KCTD16: variants seen among roughly 807,000 people sequenced by gnomAD.
KCTD16 encodes the protein potassium channel tetramerization domain containing 16.
KCTD16 carries 13 observed loss-of-function variants against 33.2 expected under a neutral mutation model. The ratio of observed to expected loss-of-function variants is 0.39; its 90% CI spans 0.25 to 0.62. The LOEUF is 0.62. KCTD16 is among the 20% of genes least tolerant of loss of function. The probability of loss-of-function intolerance (pLI) is 0.50; values close to 1 mark genes in which losing one functional copy is unlikely to be tolerated. For synonymous variants in KCTD16, 197 were observed against 195.3 expected (o/e 1.01, Z -0.07); for missense variants, 441 against 525.1 (o/e 0.84, Z 1.57).
rs977402908 is a variant in KCTD16, at chr5:144,477,370, C to A, written c.*3256C>A. On this transcript the variant is annotated 3_prime_UTR_variant, in exon 4 of 4. Coordinates refer to ENST00000512467, the MANE Select transcript of KCTD16 (RefSeq NM_020768.4). ...TGGTGAATTAAAATAAAAGGGGGAACAATGCACAAATAATAAGCGTTCCCT... is the reference window on the plus strand; with the variant it reads ...TGGTGAATTAAAATAAAAGGGGGAAAAATGCACAAATAATAAGCGTTCCCT... 3.3e-5 allele frequency: 5 copies of A among 152,092 alleles called. No homozygotes were observed. Among genetic ancestry groups the A allele is most frequent in the Non-Finnish European group, 7.4e-5 (5 of 68,004 alleles). The allele number at this position is 152,092 out of a possible 1,614,324, so 9.4% of individuals were successfully genotyped here. A position where few individuals can be genotyped will look rare whatever the true frequency, so the allele number is the denominator to read the frequency against.
At chr5:144,447,066 CA>C (rs937470318) in intron 3 of KCTD16, among the ~76,000 whole-genome samples, 5 of 152,060 alleles carry the variant, frequency 3.3e-5, no homozygotes, top group Admixed American at 1.3e-4. Context: ...AGTATATACC[CA>C]AAGGATTAGA....
chr5:144,264,855 A>G (rs1580830615), intron 3 of KCTD16, among the ~76,000 whole-genome samples: 1 of 152,350 alleles, frequency 6.6e-6, no homozygotes, highest in Non-Finnish European at 1.5e-5. Context: ...TAATTTAGTC[A>G]AAACTCATAT....
At chr5:144,345,201 GT>G (rs1752761658) in intron 3 of KCTD16, among the ~76,000 whole-genome samples, 1 of 132,566 alleles carries the variant, frequency 7.5e-6, no homozygotes, top group South Asian at 2.7e-4. Flanking sequence ...TCTGGGGACT[GT>G]TGTGGGGTGG....
intron 3 of KCTD16, among the ~76,000 whole-genome samples, chr5:144,405,904 A>G (rs1178961110): frequency 6.6e-6 from 1 of 152,186 alleles, no homozygotes; most frequent in Non-Finnish European, 1.5e-5. Context: ...TGGTGATACT[A>G]AGCCCCATTG....
At chr5:144,236,320 C>G (rs1754252291) in intron 3 of KCTD16, among the ~76,000 whole-genome samples, 1 of 152,080 alleles carries the variant, frequency 6.6e-6, no homozygotes. Context: ...TAAGGATGAG[C>G]AGCAGTTGGC....
rs148296287 is a variant in KCTD16 at position 144,367,135 on chromosome 5, C to A, written c.833-106525C>A. 5.0e-3 allele frequency among the ~76,000 whole-genome samples: 759 copies of A among 152,306 alleles called. 26 individuals are homozygous for A. The highest frequency in any genetic ancestry group is 0.038 in the Admixed American group (576 of 15,292). ...CAGCAATCCTGTCTATCCTGTGTGGCCTTGCCTCACTGGTCATAGCTGATG... is the reference window on the plus strand; with the variant it reads ...CAGCAATCCTGTCTATCCTGTGTGGACTTGCCTCACTGGTCATAGCTGATG... On this transcript the variant is annotated intron_variant, in intron 3 of 3. Transcript: ENST00000512467.
intron 3 of KCTD16, among the ~76,000 whole-genome samples, chr5:144,324,946 G>A (rs1046560519): frequency 1.3e-5 from 2 of 152,172 alleles, no homozygotes; most frequent in African/African-American, 4.8e-5. Flanking sequence ...GGGAGGGAGA[G>A]CATCAGAAAA....
At chr5:144,417,462 G>T (rs1321630859) in intron 3 of KCTD16, among the ~76,000 whole-genome samples, 1 of 151,952 alleles carries the variant, frequency 6.6e-6, no homozygotes, top group Non-Finnish European at 1.5e-5. Flanking sequence ...TTTTTAAACT[G>T]AGTTTGCCTT....
intron 3 of KCTD16, among the ~76,000 whole-genome samples, chr5:144,215,227 C>T (rs1321129871): frequency 2.0e-5 from 3 of 152,162 alleles, no homozygotes; most frequent in Non-Finnish European, 4.4e-5. Context: ...AGCAAAGACT[C>T]CTGTGGTCTC....
intron 3 of KCTD16, among the ~76,000 whole-genome samples, chr5:144,276,060 G>GT: frequency 6.6e-6 from 1 of 152,134 alleles, no homozygotes; most frequent in East Asian, 1.9e-4. Context: ...TGTTTAAAAA[G>GT]TAATTTTTAG....
intron 3 of KCTD16, among the ~76,000 whole-genome samples, chr5:144,369,748 T>A (rs1751924287): frequency 6.6e-6 from 1 of 152,186 alleles, no homozygotes; most frequent in South Asian, 2.1e-4. Context: ...AATTTGTGAT[T>A]CATGCTTTAA....
At chr5:144,280,560 C>CAAA (rs1312834923) in intron 3 of KCTD16, among the ~76,000 whole-genome samples, 1 of 152,090 alleles carries the variant, frequency 6.6e-6, no homozygotes, top group Non-Finnish European at 1.5e-5. Flanking sequence ...CTTTCTTTTT[C>CAAA]AGTCTGGCTA....
chr5:144,326,299 GTAA>G (rs1235241731), intron 3 of KCTD16, among the ~76,000 whole-genome samples: 5 of 152,112 alleles, frequency 3.3e-5, no homozygotes, highest in African/African-American at 9.7e-5. Context: ...GACTGAGAGG[GTAA>G]TAGTAAATAC....
chr5:144,312,246 G>A (rs376526864), intron 3 of KCTD16, among the ~76,000 whole-genome samples: 4 of 152,136 alleles, frequency 2.6e-5, no homozygotes, highest in Admixed American at 6.6e-5. Flanking sequence ...TTACTCTGCC[G>A]TACAGACCAT....
intron 3 of KCTD16, among the ~76,000 whole-genome samples, chr5:144,288,374 TCTC>T (rs1755805495): frequency 6.6e-6 from 1 of 152,154 alleles, no homozygotes; most frequent in African/African-American, 2.4e-5. Flanking sequence ...TGTTGTGGGT[TCTC>T]CCTGTTAGAT....
At chr5:144,404,895 C>A (rs1233939968) in intron 3 of KCTD16, among the ~76,000 whole-genome samples, 1 of 152,198 alleles carries the variant, frequency 6.6e-6, no homozygotes, top group East Asian at 1.9e-4. Flanking sequence ...GGCAAGAATA[C>A]AGAGTGCTAT....
At chr5:144,270,630 T>TAA (rs34656558) in intron 3 of KCTD16, among the ~76,000 whole-genome samples, 33,087 of 138,704 alleles carry the variant, frequency 0.24, 3,884 homozygotes, top group Non-Finnish European at 0.28. Context: ...GTAAAAGAAC[T>TAA]AAAAAAAAAA....
chr5:144,282,947 AAAATT>A (rs1455313080), intron 3 of KCTD16, among the ~76,000 whole-genome samples: 1 of 152,182 alleles, frequency 6.6e-6, no homozygotes, highest in East Asian at 1.9e-4. Flanking sequence ...AATAAAAAGA[AAAATT>A]AAACTAAATC....
In KCTD16 at chr5:144,474,176, A is replaced by C; in HGVS notation, c.*62A>C. The stretch of plus-strand genomic sequence containing the variant: ...ATTTTGAAATTAACCTCCTAAAAGG[A>C]ATTCATATTTTAAAGGAAAAAAATA... On this transcript the variant is annotated 3_prime_UTR_variant, in exon 4 of 4. Transcript: ENST00000512467. 7.6e-7 allele frequency: 1 copy of C among 1,313,898 alleles called. No homozygotes were observed. The highest frequency in any genetic ancestry group is 2.3e-5 in the Admixed American group (1 of 43,714). 81.4% of individuals were successfully genotyped at this position (1,313,898 alleles called of 1,614,324 possible).
Sources: allele counts gnomAD v4.1 joint callset (sites outside exome capture counted in the v4.1 genomes callset), GRCh38; gene constraint gnomAD v4.1.1; transcripts MANE v1.5; gene names NCBI Gene and HGNC (gene_info 2026-07-23, HGNC 2026-07-21).